The following MEP1A variants were observed in gnomAD, a reference collection of about 807,000 sequenced individuals.
The protein encoded by MEP1A is meprin A subunit alpha, also known as N-benzoyl-L-tyrosyl-P-amino-benzoic acid hydrolase subunit alpha.
Under a neutral mutation model 84.5 loss-of-function variants are expected in MEP1A, and 68 were observed. The ratio of observed to expected loss-of-function variants is 0.80; its 90% CI spans 0.66 to 0.98. The LOEUF (loss-of-function observed/expected upper bound fraction) is 0.98, where lower values mean the gene tolerates loss of function less well. Ranked by LOEUF, MEP1A falls within the 50% of genes least tolerant of loss-of-function variation. The probability of loss-of-function intolerance (pLI) is 0.00; values close to 1 mark genes in which losing one functional copy is unlikely to be tolerated. For synonymous variants in MEP1A, 337 were observed against 336.8 expected (o/e 1.00, Z -0.01); for missense variants, 887 against 919.9 (o/e 0.96, Z 0.46).
chr6:46,835,111 T>C (rs1450789892), intron 12 of MEP1A, 138 bp from the exon 13 acceptor site: 7 of 737,772 alleles, frequency 9.5e-6, no homozygotes, highest in Admixed American at 3.0e-5. Flanking sequence ...GGGAATCAGC[T>C]GGATTCAAAG....
intron 6 of MEP1A, among the ~76,000 whole-genome samples, chr6:46,809,906 A>G (rs996905774): frequency 3.3e-5 from 5 of 151,508 alleles, no homozygotes; most frequent in Non-Finnish European, 7.4e-5. Context: ...TCAGTTGCAA[A>G]TTGTGCTGCT....
At chr6:46,819,964 G>A (rs914393695) in intron 7 of MEP1A, among the ~76,000 whole-genome samples, 3 of 152,136 alleles carry the variant, frequency 2.0e-5, no homozygotes, top group African/African-American at 4.8e-5. Flanking sequence ...TTATATCAGT[G>A]TTTTCATTAA....
intron 13 of MEP1A, among the ~76,000 whole-genome samples, chr6:46,837,007 C>T (rs1768231142): frequency 6.6e-6 from 1 of 152,082 alleles, no homozygotes; most frequent in African/African-American, 2.4e-5. Context: ...ACCATTTCTC[C>T]CTCTGTAATT....
At chr6:46,832,515 G>A (rs1768100023) in intron 10 of MEP1A, among the ~76,000 whole-genome samples, 1 of 152,128 alleles carries the variant, frequency 6.6e-6, no homozygotes, top group African/African-American at 2.4e-5. Context: ...TCCCCTACAT[G>A]GTGGACTTTC....
At chr6:46,797,939 C>T (rs12180119) in intron 3 of MEP1A, among the ~76,000 whole-genome samples, 3,801 of 36,966 alleles carry the variant, frequency 0.1, 146 homozygotes, top group African/African-American at 0.17. Flanking sequence ...TCTTTCCTTC[C>T]TTCCTTCCTT....
downstream of MEP1A, among the ~76,000 whole-genome samples, chr6:46,843,114 C>T (rs1768362225): frequency 6.6e-6 from 1 of 152,206 alleles, no homozygotes; most frequent in Non-Finnish European, 1.5e-5. Flanking sequence ...TGAACCTCAG[C>T]CCTGGTAATA....
intron 3 of MEP1A, among the ~76,000 whole-genome samples, chr6:46,794,146 T>C (rs17382381): frequency 0.02 from 3,041 of 152,126 alleles, 42 homozygotes; most frequent in Middle Eastern, 0.034. Flanking sequence ...TAGGGGTGAG[T>C]GTAAAGCAAT....
intron 10 of MEP1A, among the ~76,000 whole-genome samples, chr6:46,831,346 C>G (rs1768070349): frequency 6.6e-6 from 1 of 152,062 alleles, no homozygotes; most frequent in African/African-American, 2.4e-5. Flanking sequence ...ATACATAATG[C>G]TTATATACAA....
chr6:46,819,477 C>A, intron 6 of MEP1A, 52 bp from the exon 7 acceptor site: 1 of 1,470,246 alleles, frequency 6.8e-7, no homozygotes, highest in South Asian at 1.3e-5. Flanking sequence ...CTGTGAATGA[C>A]AGCCACTTAA....
intron 5 of MEP1A, among the ~76,000 whole-genome samples, chr6:46,802,381 G>C (rs1379822747): frequency 6.6e-6 from 1 of 151,696 alleles, no homozygotes; most frequent in East Asian, 1.9e-4. Context: ...AATGTTTTCT[G>C]CTAATATATA....
At chr6:46,800,949 T>C (rs1484415433) in intron 5 of MEP1A, among the ~76,000 whole-genome samples, 1 of 152,200 alleles carries the variant, frequency 6.6e-6, no homozygotes, top group African/African-American at 2.4e-5. Context: ...TTCTTTGACT[T>C]ATGTTTTTTA....
downstream of MEP1A, among the ~76,000 whole-genome samples, chr6:46,841,941 A>T (rs898185371): frequency 4.6e-5 from 7 of 152,248 alleles, no homozygotes; most frequent in African/African-American, 1.7e-4. Flanking sequence ...CAGCAGAAGA[A>T]CATAAATTGT....
chr6:46,824,961 C>T (rs868518554), intron 7 of MEP1A, among the ~76,000 whole-genome samples: 1 of 115,020 alleles, frequency 8.7e-6, no homozygotes, highest in Non-Finnish European at 1.8e-5. Flanking sequence ...TTAAATAGAT[C>T]TATTTAAATA....
chr6:46,799,470 G>T (rs1054280964), intron 5 of MEP1A, among the ~76,000 whole-genome samples: 1 of 152,174 alleles, frequency 6.6e-6, no homozygotes, highest in African/African-American at 2.4e-5. Flanking sequence ...AATATAATTT[G>T]CATCAGAACA....
In MEP1A at chr6:46,834,723, T is replaced by A; in HGVS notation, c.1755T>A (p.Asp585Glu). 1.2e-6 allele frequency: 2 copies of A among 1,611,648 alleles called. No individual in the cohort carries two copies. Among genetic ancestry groups the A allele is most frequent in the South Asian group, 2.2e-5 (2 of 90,986 alleles). The change falls in exon 12 of 14, where the codon GAT becomes GAA. Residue 585 changes from aspartate to glutamate, a missense_variant. Coordinates refer to ENST00000230588, the MANE Select transcript of MEP1A (RefSeq NM_005588.3). ...MLKRRSFLKNDDLIIFVDFED... is the reference protein window; with the variant it reads ...MLKRRSFLKNEDLIIFVDFED... ...AAAGGAGGAGTTTCCTGAAAAATGA[T>A]GACCTCATCATATTTGTGGACTTTG...
At chr6:46,793,888 ATAGT>A (rs1173561356) in intron 3 of MEP1A, among the ~76,000 whole-genome samples, 172 bp downstream of exon 3, 15 of 152,236 alleles carry the variant, frequency 9.9e-5, no homozygotes, top group Non-Finnish European at 1.9e-4. Context: ...GAAAGAGAAG[ATAGT>A]TAGACCAGAC....
At chr6:46,817,303 T>C (rs138278041) in intron 6 of MEP1A, among the ~76,000 whole-genome samples, 8 of 152,310 alleles carry the variant, frequency 5.3e-5, no homozygotes, top group Non-Finnish European at 8.8e-5. Flanking sequence ...AGAATAACTT[T>C]GGGGATGAGG....
chr6:46,833,032 G>A lies in MEP1A; in HGVS notation c.1145-42G>A, dbSNP rs373913259. The stretch of plus-strand genomic sequence containing the variant: ...CAAACTCATAATAAGTACTCATTAA[G>A]TGTTGGTCACAGTTCTCACCAGCCT... On this transcript the variant is annotated intron_variant, in intron 10 of 13. Coordinates refer to ENST00000230588, the MANE Select transcript of MEP1A (RefSeq NM_005588.3). 8.1e-5 allele frequency: 91 copies of A among 1,116,756 alleles called. No individual in the cohort carries two copies. In the African/African-American group the frequency reaches 1.0e-3, roughly 13 times the overall value. 69.2% of individuals were successfully genotyped at this position (1,116,756 alleles called of 1,614,324 possible).
intron 7 of MEP1A, among the ~76,000 whole-genome samples, chr6:46,824,487 T>G (rs1351168373): frequency 6.9e-6 from 1 of 144,460 alleles, no homozygotes; most frequent in Admixed American, 7.0e-5. Context: ...TAATTTATAT[T>G]TAAATAAATC....
Sources: gnomAD v4.1 joint callset for allele counts (sites outside exome capture counted in the v4.1 genomes callset) on GRCh38, gnomAD v4.1.1 for gene constraint, MANE v1.5 for transcripts, NCBI Gene and HGNC (gene_info 2026-07-23, HGNC 2026-07-21) for gene names.